Variants in SCN8A observed in about 807,000 individuals in gnomAD.
The protein encoded by SCN8A is sodium voltage-gated channel alpha subunit 8, also known as sodium channel protein type 8 subunit alpha.
SCN8A carries 30 observed loss-of-function variants against 184.1 expected under a neutral mutation model. That is an observed-to-expected ratio of 0.16 (90% confidence interval 0.12 to 0.22). The LOEUF (loss-of-function observed/expected upper bound fraction) is 0.22, where lower values mean the gene tolerates loss of function less well. SCN8A is among the 10% of genes least tolerant of loss of function. The pLI is 1.00. For missense variants in SCN8A, 1,057 were observed against 2,498.9 expected (o/e 0.42, Z 12.30); for synonymous variants, 852 against 907.0 (o/e 0.94, Z 1.09).
At chr12:51,656,381 G>A (rs1017799388) in intron 1 of SCN8A, among the ~76,000 whole-genome samples, 4 of 152,094 alleles carry the variant, frequency 2.6e-5, no homozygotes, top group African/African-American at 9.7e-5. Context: ...ATACCTACAT[G>A]GCCTTGGAAT....
chr12:51,688,849 G>A, intron 5 of SCN8A, 156 bp from the exon 6 acceptor site: 1 of 1,612,644 alleles, frequency 6.2e-7, no homozygotes, highest in Non-Finnish European at 8.5e-7. Flanking sequence ...GGTAATCCCA[G>A]GTAAGATGGT....
chr12:51,728,011 C>A (rs1407836362), intron 12 of SCN8A, among the ~76,000 whole-genome samples: 1 of 152,068 alleles, frequency 6.6e-6, no homozygotes, highest in Non-Finnish European at 1.5e-5. Flanking sequence ...TTCAAAACCT[C>A]ACTTAGGGAA....
chr12:51,747,914 T>A (rs1942538535), intron 13 of SCN8A, among the ~76,000 whole-genome samples: 1 of 152,070 alleles, frequency 6.6e-6, no homozygotes, highest in Admixed American at 6.6e-5. Context: ...ACAGATGTAG[T>A]TGTGTTCCTG....
intron 2 of SCN8A, 75 bp from the exon 3 acceptor site, chr12:51,684,099 T>C (rs1941379720): frequency 1.2e-6 from 1 of 808,938 alleles, no homozygotes; most frequent in East Asian, 2.4e-5. Flanking sequence ...ATGTATTCCT[T>C]ACCTAGAAAT....
Position 51,807,075 on chromosome 12 carries a change from C to T in SCN8A, c.5589C>T (p.Asp1863=), listed in dbSNP as rs1408185059. The change falls in exon 27 of 27, where the codon GAC becomes GAT. Residue 1863 remains aspartate (D), a synonymous_variant. Coordinates refer to ENST00000627620, the MANE Select transcript of SCN8A (RefSeq NM_001330260.2). This position sits in a 1 kb window ranked among gnomAD's most constrained non-coding sequence, Gnocchi z 4.5. ...TCCTGGGAGATAGCGGGGAGTTGGA[C>T]ATCCTGCGGCAGCAGATGGAAGAGC... ...KRVLGDSGEL[D]ILRQQMEERF... 6.2e-7 allele frequency: 1 copy of T among 1,613,990 alleles called. No individual in the cohort carries two copies. Among genetic ancestry groups the T allele is most frequent in the Admixed American group, 1.7e-5 (1 of 60,014 alleles).
At chr12:51,777,417 G>T (rs111289223) in intron 20 of SCN8A, among the ~76,000 whole-genome samples, 1 of 151,970 alleles carries the variant, frequency 6.6e-6, no homozygotes, top group South Asian at 2.1e-4. Flanking sequence ...GTGCCAAGGC[G>T]CCCAGCTTGA....
chr12:51,780,515 C>G, intron 20 of SCN8A, 134 bp from the exon 21 acceptor site: 1 of 614,848 alleles, frequency 1.6e-6, no homozygotes. Context: ...CAATCTGTGT[C>G]TGCAGTGCTA....
chr12:51,603,662 A>AGAGTTCAGCAGCATATGC (rs1471706898), intron 1 of SCN8A, among the ~76,000 whole-genome samples: 1 of 152,190 alleles, frequency 6.6e-6, no homozygotes, highest in Non-Finnish European at 1.5e-5. Flanking sequence ...GCAGTGTATG[A>AGAGTTCAGCAGCATATGC]GAGTTCAGCA....
At chr12:51,728,374 C>T (rs1288914262) in intron 12 of SCN8A, among the ~76,000 whole-genome samples, 2 of 152,122 alleles carry the variant, frequency 1.3e-5, no homozygotes, top group Non-Finnish European at 2.9e-5. Flanking sequence ...GTCAAACTTG[C>T]AGGAAGCCAG....
intron 2 of SCN8A, among the ~76,000 whole-genome samples, chr12:51,680,370 C>T (rs1941309359): frequency 6.6e-6 from 1 of 152,178 alleles, no homozygotes; most frequent in Non-Finnish European, 1.5e-5. Context: ...ACTAAAGATG[C>T]TTAGTTTCCC....
chr12:51,694,528 C>T (rs1026725225), intron 6 of SCN8A, among the ~76,000 whole-genome samples: 11 of 152,216 alleles, frequency 7.2e-5, no homozygotes, highest in African/African-American at 2.7e-4. Context: ...ACTGTTTCTA[C>T]TCAGACACGT....
At chr12:51,633,429 G>T (rs764291663) in intron 1 of SCN8A, among the ~76,000 whole-genome samples, 1 of 152,184 alleles carries the variant, frequency 6.6e-6, no homozygotes, top group Non-Finnish European at 1.5e-5. Flanking sequence ...TATGCTCAAA[G>T]TTCACATTTT....
intron 1 of SCN8A, among the ~76,000 whole-genome samples, chr12:51,643,983 T>C (rs1940509545): frequency 6.6e-6 from 1 of 152,268 alleles, no homozygotes; most frequent in South Asian, 2.1e-4. Context: ...TGAATAGTGC[T>C]GGACCTTTGT....
intron 26 of SCN8A, among the ~76,000 whole-genome samples, chr12:51,797,452 C>T (rs1938442653): frequency 6.6e-6 from 1 of 152,194 alleles, no homozygotes; most frequent in Non-Finnish European, 1.5e-5. Context: ...TGCAACTGGT[C>T]ACGTGGTCGT....
intron 11 of SCN8A, among the ~76,000 whole-genome samples, chr12:51,721,081 T>TA (rs1383248501): frequency 7.4e-4 from 64 of 86,790 alleles, no homozygotes; most frequent in African/African-American, 2.9e-3. Flanking sequence ...AAAAAAAAAA[T>TA]TATATATATA....
chr12:51,623,969 C>G (rs566743548), intron 1 of SCN8A, among the ~76,000 whole-genome samples: 6 of 152,312 alleles, frequency 3.9e-5, no homozygotes, highest in African/African-American at 1.4e-4. Flanking sequence ...GCATAGTATT[C>G]CATGGTGTAT....
intron 1 of SCN8A, among the ~76,000 whole-genome samples, chr12:51,645,773 TCAC>T (rs1239939374): frequency 1.4e-5 from 2 of 147,700 alleles, no homozygotes; most frequent in Non-Finnish European, 3.0e-5. Context: ...TTAAGAGTCA[TCAC>T]CACTCCCTAA....
At chr12:51,742,167 T>C (rs1055132797) in intron 12 of SCN8A, among the ~76,000 whole-genome samples, 16 of 152,230 alleles carry the variant, frequency 1.1e-4, no homozygotes, top group Admixed American at 9.8e-4. Context: ...AAAGTTGTTG[T>C]AGTTATTATT....
At position 51,741,394 on chromosome 12, in the gene SCN8A, T is replaced by C. The variant is rs1455182040; in HGVS notation, c.1999-4509T>C. ...TTCTTGTAGGCAGCAGATCATTGGGTCTTATTTTTTCATGCATTTAGCCAC... is the reference window on the plus strand; with the variant it reads ...TTCTTGTAGGCAGCAGATCATTGGGCCTTATTTTTTCATGCATTTAGCCAC... On this transcript the variant is annotated intron_variant, in intron 12 of 26. Coordinates refer to ENST00000627620, the MANE Select transcript of SCN8A (RefSeq NM_001330260.2). 2.0e-5 allele frequency among the ~76,000 whole-genome samples: 3 copies of C among 152,170 alleles called. No homozygotes were observed. The South Asian group carries it at 6.2e-4, about 32-fold the overall frequency.
Sources: gnomAD v4.1 joint callset for allele counts (sites outside exome capture counted in the v4.1 genomes callset) on GRCh38, gnomAD v4.1.1 for gene constraint, Gnocchi (gnomAD v3.1) non-coding constraint, MANE v1.5 for transcripts, NCBI Gene and HGNC (gene_info 2026-07-23, HGNC 2026-07-21) for gene names.